Variants in ATP2C1 observed in about 807,000 individuals in gnomAD.
ATP2C1 encodes calcium-transporting ATPase type 2C member 1.
Under a neutral mutation model 120.5 loss-of-function variants are expected in ATP2C1, and 31 were observed. That is an observed-to-expected ratio of 0.26 (90% CI 0.19 to 0.35). ATP2C1 has a LOEUF of 0.35. Among genes scored for constraint, ATP2C1 ranks in the 10% least tolerant of loss-of-function variants. The pLI, the probability that ATP2C1 is intolerant of heterozygous loss-of-function variation, is 1.00. For missense variants in ATP2C1, 731 were observed against 1,107.5 expected, an observed-to-expected ratio of 0.66 and a Z score of 4.83; for synonymous variants, 351 against 358.7, an observed-to-expected ratio of 0.98 and a Z score of 0.24.
In ATP2C1 at chr3:130,975,364, T is replaced by C. The variant is rs1313911406; in HGVS notation, c.1446T>C (p.Ala482=). 1 of 1,613,844 alleles carries C rather than the reference T, an allele frequency of 6.2e-7. No individual in the cohort carries two copies. Among genetic ancestry groups the C allele is most frequent in the Non-Finnish European group, 8.5e-7 (1 of 1,179,800 alleles). ...DRPEICFMKG[A]YEQVIKYCTT... ...CAGAGATTTGTTTTATGAAAGGTGC[T>C]TACGAACAAGTAATTAAGTACTGTA... is the stretch of plus-strand genomic sequence containing the variant. The change falls in exon 18 of 28, where the codon GCT becomes GCC. Residue 482 remains alanine (A), a synonymous_variant. Transcript: ENST00000510168.
In ATP2C1 at chr3:130,894,165, C is replaced by CCCCCAAA; in HGVS notation, c.-352_-351insCCCAAAC. On this transcript the variant is annotated 5_prime_UTR_variant, in exon 1 of 28. Transcript: ENST00000510168. The surrounding 1 kb of genome is among the most constrained non-coding windows in gnomAD (Gnocchi z 4.5). ...CCTCTTCTCTCCCCTCCCCGCCCGC[C>CCCCCAAA]CTCTCTCCCTCCCTTCCTCCCTCCC... is the stretch of plus-strand genomic sequence containing the variant. 2.4e-6 allele frequency: 2 copies of CCCCCAAA among 826,298 alleles called. No homozygotes were observed. The highest frequency in any genetic ancestry group is 2.9e-6 in the Non-Finnish European group (2 of 684,806). 51.2% of individuals were successfully genotyped at this position (826,298 alleles called of 1,614,324 possible). A position where few individuals can be genotyped will look rare whatever the true frequency, so the allele number is the denominator to read the frequency against.
chr3:131,016,589 CACTGGTCTACT>C, exon 27 of ATP2C1: 1 of 509,074 alleles, frequency 2.0e-6, no homozygotes, highest in Non-Finnish European at 3.5e-6. Flanking sequence ...AGATCTTTTC[CACTGGTCTACT>C]ACCTGACCAT....
At chr3:130,869,467 T>C (rs1465002392) in intron 1 of ATP2C1, 1 of 137,366 alleles carries the variant, frequency 7.3e-6, no homozygotes, top group Non-Finnish European at 1.5e-5. Context: ...AAAGAAATGA[T>C]TAAGCTTAAT....
At chr3:130,884,917 CTTTCT>C (rs1353183193) in intron 1 of ATP2C1, among the ~76,000 whole-genome samples, 1 of 136,752 alleles carries the variant, frequency 7.3e-6, no homozygotes, top group Non-Finnish European at 1.6e-5. Context: ...TGTTTCTTTT[CTTTCT>C]TTTCTTTCTT....
intron 2 of ATP2C1, among the ~76,000 whole-genome samples, chr3:130,913,043 A>G (rs1238128479): frequency 2.9e-5 from 4 of 137,342 alleles, no homozygotes; most frequent in Middle Eastern, 3.7e-3. Context: ...CATAGGTGGG[A>G]ATTGAACAAT....
At chr3:130,990,285 C>A (rs1402620766) in intron 20 of ATP2C1, among the ~76,000 whole-genome samples, 4 of 113,956 alleles carry the variant, frequency 3.5e-5, no homozygotes, top group South Asian at 3.5e-4. Context: ...CCCCCCCCCA[C>A]AAAAAAAGGC....
chr3:131,005,109 CTTTTTTTTTTT>C (rs35129703), downstream of ATP2C1, among the ~76,000 whole-genome samples: 5 of 92,626 alleles, frequency 5.4e-5, no homozygotes, highest in South Asian at 3.9e-4. Context: ...TTTGAATTGT[CTTTTTTTTTTT>C]TTTTTTTTTT....
At chr3:130,861,051 G>C (rs2067998228) in intron 1 of ATP2C1, among the ~76,000 whole-genome samples, 1 of 152,134 alleles carries the variant, frequency 6.6e-6, no homozygotes, top group Admixed American at 6.5e-5. Flanking sequence ...GGGTGGATCA[G>C]TTGAGGTCAG....
At chr3:130,952,142 G>T (rs1053894730) in intron 8 of ATP2C1, among the ~76,000 whole-genome samples, 32 of 152,178 alleles carry the variant, frequency 2.1e-4, no homozygotes, top group African/African-American at 7.7e-4. Context: ...CTAAAATGTG[G>T]CTCTATCTTT....
chr3:130,934,652 G>T lies in ATP2C1; in HGVS notation c.265G>T (p.Ala89Ser). 1 of 1,613,184 alleles carries T rather than the reference G, an allele frequency of 6.2e-7. No homozygotes were observed. Among genetic ancestry groups the T allele is most frequent in the Non-Finnish European group, 8.5e-7 (1 of 1,179,518 alleles). Reference protein sequence around the residue: ...FKNPLIMLLLASAVISVLMHQ... With the variant: ...FKNPLIMLLLSSAVISVLMHQ... ...AAATCCCCTTATTATGCTGCTTCTGGCTTCTGCAGTCATCAGTGTTTTAAT... is the reference window on the plus strand; with the variant it reads ...AAATCCCCTTATTATGCTGCTTCTGTCTTCTGCAGTCATCAGTGTTTTAAT... Residue 89 changes from alanine (A) to serine (S), a missense_variant, in exon 5 of 28, where the codon GCT becomes TCT. Coordinates refer to ENST00000510168, the MANE Select transcript of ATP2C1 (RefSeq NM_001378687.1).
chr3:130,952,025 G>A (rs1243019392), intron 8 of ATP2C1, among the ~76,000 whole-genome samples: 1 of 152,070 alleles, frequency 6.6e-6, no homozygotes, highest in East Asian at 1.9e-4. Context: ...TGTACTTTTT[G>A]TTGCCTTTAC....
chr3:130,940,163 T>C (rs2059832394), intron 6 of ATP2C1, among the ~76,000 whole-genome samples: 1 of 152,236 alleles, frequency 6.6e-6, no homozygotes, highest in Non-Finnish European at 1.5e-5. Context: ...ACTCCTTGTT[T>C]ATCCCATGTT....
intron 21 of ATP2C1, among the ~76,000 whole-genome samples, chr3:130,993,320 T>G (rs2062442551): frequency 6.6e-6 from 1 of 152,184 alleles, no homozygotes; most frequent in Admixed American, 6.5e-5. Flanking sequence ...AGAAACTAAA[T>G]AAATACAGCA....
intron 2 of ATP2C1, among the ~76,000 whole-genome samples, chr3:130,909,589 A>C (rs923194484): frequency 1.3e-5 from 2 of 152,148 alleles, no homozygotes; most frequent in African/African-American, 4.8e-5. Flanking sequence ...CCTAAACTGA[A>C]TATAGACTTC....
exon 27 of ATP2C1, chr3:131,016,371 T>C: frequency 6.2e-7 from 1 of 1,612,270 alleles, no homozygotes; most frequent in Non-Finnish European, 8.5e-7. Flanking sequence ...GGGCAGTATT[T>C]CTAAAAGCAC....
intron 1 of ATP2C1, among the ~76,000 whole-genome samples, chr3:130,874,143 T>C (rs2068525115): frequency 6.6e-6 from 1 of 150,390 alleles, no homozygotes; most frequent in Non-Finnish European, 1.5e-5. Context: ...AAAGAAAAGA[T>C]AAGAAAAAAA....
intron 2 of ATP2C1, among the ~76,000 whole-genome samples, chr3:130,925,635 G>C (rs2059168116): frequency 6.6e-6 from 1 of 152,176 alleles, no homozygotes; most frequent in Non-Finnish European, 1.5e-5. Context: ...AGAGACACTT[G>C]GTCAAGTATT....
chr3:130,996,013 C>T, intron 22 of ATP2C1, 30 bp from the exon 23 acceptor site: 1 of 1,310,586 alleles, frequency 7.6e-7, no homozygotes, highest in Non-Finnish European at 1.1e-6. Flanking sequence ...ATAATATTTT[C>T]TCACTTCATC....
In ATP2C1 at chr3:131,002,106, G is replaced by A. The variant is rs1050778646; in HGVS notation, c.*756G>A. ...TAGGGTAACAGTGTCCATAATTAAC[G>A]CTTAGTCATAGAGTCAAAAACATTT... is the stretch of plus-strand genomic sequence containing the variant. On this transcript the variant is annotated 3_prime_UTR_variant, in exon 28 of 28. Transcript: ENST00000510168. The A allele has an allele frequency of 4.1e-6, 4 of 985,390 alleles. No individual in the cohort carries two copies. Among genetic ancestry groups the A allele is most frequent in the East Asian group, 2.3e-4 (2 of 8,814 alleles). 61.0% of individuals were successfully genotyped at this position (985,390 alleles called of 1,614,324 possible).
Sources: allele counts gnomAD v4.1 joint callset (sites outside exome capture counted in the v4.1 genomes callset), GRCh38; gene constraint gnomAD v4.1.1; non-coding constraint Gnocchi (gnomAD v3.1); transcripts MANE v1.5; gene names NCBI Gene and HGNC (gene_info 2026-07-23, HGNC 2026-07-21).